The following TENM2 variants were observed in gnomAD, a reference collection of about 807,000 sequenced individuals.
TENM2 encodes teneurin transmembrane protein 2.
Under a neutral mutation model 245.2 loss-of-function variants are expected in TENM2, and 52 were observed. The ratio of observed to expected loss-of-function variants is 0.21; its 90% confidence interval spans 0.17 to 0.27. The LOEUF (loss-of-function observed/expected upper bound fraction) is 0.27, where lower values mean the gene tolerates loss of function less well. Ranked by LOEUF, TENM2 falls within the 10% of genes least tolerant of loss-of-function variation. The probability of loss-of-function intolerance (pLI) is 1.00; values close to 1 mark genes in which losing one functional copy is unlikely to be tolerated. For missense variants in TENM2, 3,046 were observed against 3,666.8 expected (o/e 0.83, Z 4.37); for synonymous variants, 1,363 against 1,438.9 (o/e 0.95, Z 1.19).
intron 2 of TENM2, among the ~76,000 whole-genome samples, chr5:167,516,438 T>G (rs555759779): frequency 6.6e-6 from 1 of 152,294 alleles, no homozygotes; most frequent in Admixed American, 6.5e-5. Flanking sequence ...CTCGTGTGCC[T>G]TTTTCCATCT....
At chr5:167,133,517 A>G in the TENM2 span, among the ~76,000 whole-genome samples, 1 of 152,084 alleles carries the variant, frequency 6.6e-6, no homozygotes, top group African/African-American at 2.4e-5. Flanking sequence ...GGAGTTAGGC[A>G]GATAGAAAAG....
At chr5:167,058,691 C>T in the TENM2 span, among the ~76,000 whole-genome samples, 296 of 152,066 alleles carry the variant, frequency 1.9e-3, 2 homozygotes, top group Middle Eastern at 6.8e-3. Context: ...TTCAAGGCTT[C>T]GGTCAGCCAT....
the TENM2 span, among the ~76,000 whole-genome samples, chr5:167,174,871 C>T: frequency 1.3e-5 from 2 of 150,564 alleles, no homozygotes; most frequent in African/African-American, 4.9e-5. Flanking sequence ...TCTATATATT[C>T]AACTTTTTTT....
At chr5:167,330,457 CTTG>C (rs922517911) in intron 1 of TENM2, among the ~76,000 whole-genome samples, 1 of 152,088 alleles carries the variant, frequency 6.6e-6, no homozygotes, top group African/African-American at 2.4e-5. Flanking sequence ...AAGTAGAAGA[CTTG>C]TAGCAGTTCC....
intron 5 of TENM2, among the ~76,000 whole-genome samples, chr5:168,028,109 G>A (rs1432276637): frequency 6.6e-6 from 1 of 152,146 alleles, no homozygotes; most frequent in Non-Finnish European, 1.5e-5. Context: ...GGTGGCTATG[G>A]TATGCCTTCT....
the TENM2 span, among the ~76,000 whole-genome samples, chr5:167,106,026 T>C: frequency 1.4e-3 from 207 of 152,174 alleles, no homozygotes; most frequent in African/African-American, 4.5e-3. Context: ...GAGTTTTTTT[T>C]TCATTTTCTC....
intron 2 of TENM2, among the ~76,000 whole-genome samples, chr5:167,863,388 G>A (rs1772004038): frequency 6.6e-6 from 1 of 152,044 alleles, no homozygotes; most frequent in African/African-American, 2.4e-5. Context: ...GCTGAGGCAG[G>A]AGAATTGCCT....
At chr5:167,021,014 G>A in the TENM2 span, among the ~76,000 whole-genome samples, 2 of 152,090 alleles carry the variant, frequency 1.3e-5, no homozygotes, top group Admixed American at 1.3e-4. Flanking sequence ...CATGGTGGCA[G>A]GTGCCTGTAG....
intron 3 of TENM2, among the ~76,000 whole-genome samples, chr5:167,903,552 G>A (rs893561092): frequency 7.2e-5 from 11 of 151,958 alleles, no homozygotes; most frequent in Non-Finnish European, 1.5e-5. Flanking sequence ...GGGTGGAAGG[G>A]CTATTTTCAG....
chr5:168,050,044 C>A (rs1035914305), intron 6 of TENM2, among the ~76,000 whole-genome samples: 1 of 152,142 alleles, frequency 6.6e-6, no homozygotes, highest in Non-Finnish European at 1.5e-5. Context: ...CTCAGGCAAT[C>A]CTCCCATCTC....
chr5:167,317,140 AT>A (rs1756411039), intron 1 of TENM2, among the ~76,000 whole-genome samples: 2 of 152,148 alleles, frequency 1.3e-5, no homozygotes, highest in South Asian at 4.1e-4. Context: ...TAAAATGGCC[AT>A]GGTCATCAAA....
At chr5:167,462,718 C>T (rs528099501) in intron 2 of TENM2, among the ~76,000 whole-genome samples, 5 of 151,860 alleles carry the variant, frequency 3.3e-5, no homozygotes, top group African/African-American at 4.8e-5. Flanking sequence ...TCTGCTCTTC[C>T]GTTCATCTGC....
At chr5:168,251,960 GC>G (rs1475430755) in intron 27 of TENM2, among the ~76,000 whole-genome samples, 2 of 152,222 alleles carry the variant, frequency 1.3e-5, no homozygotes, top group Non-Finnish European at 1.5e-5. Context: ...GGCGGAGGGG[GC>G]AAGAAGTGGT....
downstream of TENM2, chr5:168,263,005 A>G (rs1274971779): frequency 1.9e-6 from 1 of 537,410 alleles, no homozygotes; most frequent in Non-Finnish European, 3.3e-6. Context: ...GAAGTAGACT[A>G]AAGCCCGGCT....
exon 4 of TENM2, chr5:167,952,685 C>T (rs1451004009): frequency 1.2e-6 from 2 of 1,612,744 alleles, no homozygotes; most frequent in South Asian, 1.1e-5. Context: ...CCAACTCCCT[C>T]AACAGGAACT....
At chr5:167,757,713 G>C (rs2150687353) in intron 2 of TENM2, among the ~76,000 whole-genome samples, 1 of 152,272 alleles carries the variant, frequency 6.6e-6, no homozygotes, top group Middle Eastern at 3.4e-3. Context: ...CACCAACAGT[G>C]TAAAAGCGTT....
the TENM2 span, among the ~76,000 whole-genome samples, chr5:167,057,935 C>G: frequency 1.3e-5 from 2 of 152,208 alleles, no homozygotes; most frequent in Admixed American, 1.3e-4. Context: ...TTGGAGCTGT[C>G]CACACTGAGC....
intron 13 of TENM2, 145 bp from the exon 16 acceptor site, chr5:168,190,192 G>C: frequency 1.7e-6 from 1 of 595,008 alleles, no homozygotes; most frequent in South Asian, 2.1e-5. Context: ...AATTGGATGA[G>C]GCTTGCTGTG....
At chr5:167,867,213 T>C (rs551796672) in intron 2 of TENM2, among the ~76,000 whole-genome samples, 2 of 152,318 alleles carry the variant, frequency 1.3e-5, no homozygotes, top group South Asian at 4.1e-4. Flanking sequence ...GCATTTCACC[T>C]CATGAAGATG....
Sources: allele counts gnomAD v4.1 joint callset (sites outside exome capture counted in the v4.1 genomes callset), GRCh38; gene constraint gnomAD v4.1.1; transcripts MANE v1.5; gene names NCBI Gene and HGNC (gene_info 2026-07-23, HGNC 2026-07-21).